Variants in ZDHHC17 observed in about 807,000 individuals in gnomAD.
ZDHHC17 encodes the protein zDHHC palmitoyltransferase 17.
Under a neutral mutation model 90.3 loss-of-function variants are expected in ZDHHC17, and 40 were observed. The ratio of observed to expected loss-of-function variants is 0.44; its 90% CI spans 0.34 to 0.58. The LOEUF is 0.58. Among genes scored for constraint, ZDHHC17 ranks in the 20% least tolerant of loss-of-function variants. The probability of loss-of-function intolerance (pLI) is 0.01; values close to 1 mark genes in which losing one functional copy is unlikely to be tolerated. For missense variants in ZDHHC17, 614 were observed against 780.8 expected (o/e 0.79, Z 2.55); for synonymous variants, 235 against 252.4 (o/e 0.93, Z 0.65).
chr12:76,851,069 T>C lies in ZDHHC17; in HGVS notation c.*84T>C, dbSNP rs1953561858. The C allele has an allele frequency of 1.3e-6, 2 of 1,554,900 alleles. No homozygotes were observed. The highest frequency in any genetic ancestry group is 4.5e-5 in the East Asian group (2 of 44,048). The stretch of plus-strand genomic sequence containing the variant: ...TGTCTTTCTCACACTCGAATCCACA[T>C]CCTTTGAACAAGAGCATGCTATGTG... On this transcript the variant is annotated 3_prime_UTR_variant, in exon 17 of 17. Coordinates refer to ENST00000426126, the MANE Select transcript of ZDHHC17 (RefSeq NM_015336.4).
At position 76,799,860 on chromosome 12, in the gene ZDHHC17, G is replaced by A. The variant is rs141221077; in HGVS notation, c.197+2323G>A. ...GGGACCAGAAGTGTTTTGGATTTTG[G>A]ATTTTTTTGGATTTTGGAATATTTG... On this transcript the variant is annotated intron_variant, in intron 2 of 16. Coordinates refer to ENST00000426126, the MANE Select transcript of ZDHHC17 (RefSeq NM_015336.4). Among the ~76,000 whole-genome samples, 346 of 152,202 alleles carry A rather than the reference G, an allele frequency of 2.3e-3. 1 individual carries two copies. The highest frequency in any genetic ancestry group is 7.9e-3 in the African/African-American group (330 of 41,528).
intron 3 of ZDHHC17, among the ~76,000 whole-genome samples, chr12:76,807,164 G>A (rs1952965217): frequency 6.6e-6 from 1 of 152,194 alleles, no homozygotes; most frequent in Admixed American, 6.5e-5. Context: ...AACTTGAGTA[G>A]CAGCATCTTA....
chr12:76,783,066 C>T (rs1049539977), intron 1 of ZDHHC17, among the ~76,000 whole-genome samples: 9 of 152,130 alleles, frequency 5.9e-5, no homozygotes, highest in Non-Finnish European at 1.0e-4. Context: ...GAAGAGGGCT[C>T]AGAGGAGGCT....
chr12:76,815,387 C>T (rs761404529), intron 6 of ZDHHC17, among the ~76,000 whole-genome samples, 177 bp downstream of exon 6: 35 of 151,978 alleles, frequency 2.3e-4, no homozygotes, highest in Non-Finnish European at 4.4e-4. Flanking sequence ...GTCTCTCCCT[C>T]ACTGATTAGA....
chr12:76,791,619 C>T (rs1952760506), intron 1 of ZDHHC17, among the ~76,000 whole-genome samples: 2 of 152,218 alleles, frequency 1.3e-5, no homozygotes, highest in Middle Eastern at 3.4e-3. Flanking sequence ...CCTTCCATTA[C>T]CCTTCTTTCA....
intron 1 of ZDHHC17, among the ~76,000 whole-genome samples, chr12:76,781,119 G>A (rs1952620045): frequency 7.4e-6 from 1 of 134,924 alleles, no homozygotes; most frequent in South Asian, 2.3e-4. Flanking sequence ...GGGCGACAAA[G>A]CGAGACTCCG....
chr12:76,786,014 G>A (rs998987349), intron 1 of ZDHHC17, among the ~76,000 whole-genome samples: 4 of 152,188 alleles, frequency 2.6e-5, no homozygotes, highest in Admixed American at 1.3e-4. Context: ...CAGAGGAAGG[G>A]ACGGATTTAT....
At chr12:76,843,063 A>G in intron 12 of ZDHHC17, 82 bp downstream of exon 12, 1 of 1,057,002 alleles carries the variant, frequency 9.5e-7, no homozygotes, top group Non-Finnish European at 1.4e-6. Context: ...GTGTGGGGAA[A>G]AGGAATAATT....
At chr12:76,780,954 C>T (rs528343280) in intron 1 of ZDHHC17, among the ~76,000 whole-genome samples, 118 of 151,050 alleles carry the variant, frequency 7.8e-4, no homozygotes, top group African/African-American at 2.7e-3. Context: ...AGTGAAACAC[C>T]GTCTCTACTA....
intron 1 of ZDHHC17, among the ~76,000 whole-genome samples, chr12:76,767,018 C>CAAA (rs375447750): frequency 7.0e-5 from 6 of 85,870 alleles, no homozygotes; most frequent in African/African-American, 1.1e-4. Flanking sequence ...GATTATGTCT[C>CAAA]AAAAAAAAAA....
At chr12:76,786,352 G>T (rs551723290) in intron 1 of ZDHHC17, among the ~76,000 whole-genome samples, 62 of 152,206 alleles carry the variant, frequency 4.1e-4, no homozygotes, top group African/African-American at 1.4e-3. Flanking sequence ...CACGATCTGG[G>T]TTGAAGTGAA....
At chr12:76,822,156 G>A (rs1953170707) in intron 7 of ZDHHC17, among the ~76,000 whole-genome samples, 1 of 152,050 alleles carries the variant, frequency 6.6e-6, no homozygotes, top group Non-Finnish European at 1.5e-5. Flanking sequence ...TTTTTGATTT[G>A]CTCTCTAATA....
At chr12:76,786,829 C>G (rs1952693506) in intron 1 of ZDHHC17, among the ~76,000 whole-genome samples, 1 of 152,270 alleles carries the variant, frequency 6.6e-6, no homozygotes, top group African/African-American at 2.4e-5. Context: ...ATATCTAATT[C>G]TGTTACTTCC....
intron 11 of ZDHHC17, 98 bp from the exon 12 acceptor site, chr12:76,842,821 T>G: frequency 1.2e-6 from 1 of 844,106 alleles, no homozygotes; most frequent in Middle Eastern, 2.3e-4. Flanking sequence ...CATCAGTAAA[T>G]TAAAGATGAA....
intron 2 of ZDHHC17, among the ~76,000 whole-genome samples, chr12:76,804,140 G>T (rs1952926587): frequency 6.6e-6 from 1 of 152,168 alleles, no homozygotes; most frequent in South Asian, 2.1e-4. Context: ...TGGCTAAAAG[G>T]TTGGTTTGGA....
chr12:76,845,668 G>A, intron 12 of ZDHHC17, 41 bp from the exon 13 acceptor site: 1 of 962,122 alleles, frequency 1.0e-6, no homozygotes, highest in Non-Finnish European at 1.6e-6. Flanking sequence ...TTCTCTCTTA[G>A]TATAATGCCT....
At chr12:76,773,813 A>G (rs929041172) in intron 1 of ZDHHC17, among the ~76,000 whole-genome samples, 1 of 152,182 alleles carries the variant, frequency 6.6e-6, no homozygotes, top group Non-Finnish European at 1.5e-5. Context: ...GGGAGGATTC[A>G]TTTTTAGCAG....
Position 76,828,393 on chromosome 12 carries a change from C to T in ZDHHC17, c.1044C>T (p.Ser348=), listed in dbSNP as rs773312157. 4 of 1,590,650 alleles carry T rather than the reference C, an allele frequency of 2.5e-6. No individual in the cohort carries two copies. The African/African-American group carries it at 5.4e-5, about 22-fold the overall frequency. ...VWATVQFLSK[S]FFDHSMHSAL... ...TTATAAAACTTGTGTTTTACAGATC[C>T]TTTTTCGATCATTCAATGCATAGTG... The change falls in exon 10 of 17, where the codon TCC becomes TCT. Residue 348 remains serine (S), a synonymous_variant. Coordinates refer to ENST00000426126, the MANE Select transcript of ZDHHC17 (RefSeq NM_015336.4).
At chr12:76,818,080 T>A (rs1480848137) in intron 7 of ZDHHC17, among the ~76,000 whole-genome samples, 3 of 152,060 alleles carry the variant, frequency 2.0e-5, no homozygotes, top group East Asian at 1.9e-4. Flanking sequence ...TGACAAAAAA[T>A]TTTTCTCATG....
Sources: allele counts gnomAD v4.1 joint callset (sites outside exome capture counted in the v4.1 genomes callset), GRCh38; gene constraint gnomAD v4.1.1; transcripts MANE v1.5; gene names NCBI Gene and HGNC (gene_info 2026-07-23, HGNC 2026-07-21).